Variants in CYP39A1 observed in about 807,000 individuals in gnomAD.
The protein encoded by CYP39A1 is 24-hydroxycholesterol 7-alpha-hydroxylase.
CYP39A1 carries 49 observed loss-of-function variants against 58.1 expected under a neutral mutation model. The ratio of observed to expected loss-of-function variants is 0.84; its 90% confidence interval spans 0.67 to 1.07. The LOEUF (loss-of-function observed/expected upper bound fraction) is 1.07, where lower values mean the gene tolerates loss of function less well. Ranked by LOEUF, CYP39A1 falls within the 50% of genes least tolerant of loss-of-function variation. The pLI, the probability that CYP39A1 is intolerant of heterozygous loss-of-function variation, is 0.00. For missense variants in CYP39A1, 531 were observed against 539.4 expected (o/e 0.98, Z 0.16); for synonymous variants, 209 against 187.6 (o/e 1.11, Z -0.93).
chr6:46,568,943 G>A (rs148946500), intron 10 of CYP39A1, among the ~76,000 whole-genome samples: 1 of 151,492 alleles, frequency 6.6e-6, no homozygotes, highest in South Asian at 2.1e-4. Flanking sequence ...ACATCATTGC[G>A]ATTACATTGA....
intron 10 of CYP39A1, among the ~76,000 whole-genome samples, chr6:46,576,266 C>T (rs1294034553): frequency 2.0e-5 from 3 of 152,116 alleles, no homozygotes. Flanking sequence ...GGACCCGCCT[C>T]CAAAACGAAG....
At chr6:46,611,764 A>G (rs1056658570) in intron 7 of CYP39A1, among the ~76,000 whole-genome samples, 1 of 152,222 alleles carries the variant, frequency 6.6e-6, no homozygotes, top group Non-Finnish European at 1.5e-5. Context: ...GTGGGTAGAT[A>G]ATAATATGTG....
chr6:46,556,498 G>A (rs368793829), intron 10 of CYP39A1, among the ~76,000 whole-genome samples: 12 of 152,134 alleles, frequency 7.9e-5, no homozygotes, highest in African/African-American at 2.9e-4. Context: ...CTACTGAGAC[G>A]GAAAAAGAAC....
rs9369627 is a variant in CYP39A1, at chr6:46,607,712, T to C, written c.932-11592A>G. Among the ~76,000 whole-genome samples, 11 of 152,072 alleles carry C rather than the reference T, an allele frequency of 7.2e-5. No individual in the cohort carries two copies. In the East Asian group the frequency reaches 1.7e-3, roughly 24 times the overall value. ...CAGAAGGTGGGGTTGCAAAGTGGAGTTGAATACTGAGGAAACCCCTGTGCT... is the reference window on the plus strand; with the variant it reads ...CAGAAGGTGGGGTTGCAAAGTGGAGCTGAATACTGAGGAAACCCCTGTGCT... On this transcript the variant is annotated intron_variant, in intron 7 of 11. Coordinates refer to ENST00000275016, the MANE Select transcript of CYP39A1 (RefSeq NM_016593.5).
At chr6:46,652,014 A>G (rs966568827) in intron 1 of CYP39A1, among the ~76,000 whole-genome samples, 4 of 152,232 alleles carry the variant, frequency 2.6e-5, no homozygotes, top group African/African-American at 9.6e-5. Flanking sequence ...AATTTGTACA[A>G]TACTTTGGTG....
intron 1 of CYP39A1, among the ~76,000 whole-genome samples, chr6:46,649,406 C>T (rs1049073755): frequency 6.6e-6 from 1 of 152,194 alleles, no homozygotes; most frequent in African/African-American, 2.4e-5. Flanking sequence ...TTTGTTGACA[C>T]TCAAAAGGAA....
In CYP39A1 at chr6:46,637,682, T is replaced by C. The variant is rs1266344767; in HGVS notation, c.638+147A>G. 14 of 756,712 alleles carry C rather than the reference T, an allele frequency of 1.9e-5. No homozygotes were observed. In the South Asian group the frequency reaches 2.0e-4, roughly 11 times the overall value. The allele number at this position is 756,712 out of a possible 1,614,324, so 46.9% of individuals were successfully genotyped here. ...TTCCTTGGTCCTCCTTCAATTCACA[T>C]ACAGACACCAAAAACAAACAGGTCA... On this transcript the variant is annotated intron_variant, in intron 4 of 11. Transcript: ENST00000275016.
At chr6:46,640,971 A>G (rs974126189) in intron 2 of CYP39A1, among the ~76,000 whole-genome samples, 11 of 152,094 alleles carry the variant, frequency 7.2e-5, no homozygotes, top group African/African-American at 2.2e-4. Context: ...TAGTATGTAT[A>G]CTATGCTACT....
intron 1 of CYP39A1, among the ~76,000 whole-genome samples, chr6:46,646,792 C>G (rs962227976): frequency 6.6e-6 from 1 of 151,888 alleles, no homozygotes; most frequent in Non-Finnish European, 1.5e-5. Flanking sequence ...TGTTAGAATA[C>G]GTTTTTCTAA....
At chr6:46,615,039 G>A (rs764683661) in intron 7 of CYP39A1, among the ~76,000 whole-genome samples, 5 of 151,978 alleles carry the variant, frequency 3.3e-5, no homozygotes, top group Admixed American at 6.6e-5. Context: ...GTCTTGGGTT[G>A]GTAGATCTGA....
intron 10 of CYP39A1, among the ~76,000 whole-genome samples, chr6:46,567,402 G>T (rs1258717686): frequency 6.6e-6 from 1 of 151,618 alleles, no homozygotes; most frequent in African/African-American, 2.4e-5. Context: ...TAATATTTTG[G>T]CTATTGTGAT....
At chr6:46,562,300 G>T (rs1771024673) in intron 10 of CYP39A1, among the ~76,000 whole-genome samples, 1 of 151,720 alleles carries the variant, frequency 6.6e-6, no homozygotes, top group Non-Finnish European at 1.5e-5. Flanking sequence ...TGGGATTATA[G>T]GCATGAGCCA....
At chr6:46,550,935 G>T (rs1770362381) in intron 11 of CYP39A1, among the ~76,000 whole-genome samples, 1 of 152,086 alleles carries the variant, frequency 6.6e-6, no homozygotes, top group Admixed American at 6.6e-5. Flanking sequence ...CCCCCATAAA[G>T]ATACTTTGTA....
chr6:46,603,002 T>G (rs1382399718), intron 7 of CYP39A1, among the ~76,000 whole-genome samples: 2 of 151,902 alleles, frequency 1.3e-5, no homozygotes, highest in African/African-American at 4.8e-5. Context: ...AATTTTTAAC[T>G]GGCCAGGATT....
chr6:46,633,750 G>A (rs533318555), intron 5 of CYP39A1, among the ~76,000 whole-genome samples: 6 of 151,958 alleles, frequency 3.9e-5, no homozygotes, highest in South Asian at 2.1e-4. Context: ...CCAGCTACTC[G>A]GGAGGCTGAA....
intron 1 of CYP39A1, among the ~76,000 whole-genome samples, chr6:46,648,595 C>T (rs1327796369): frequency 6.6e-6 from 1 of 151,560 alleles, no homozygotes; most frequent in Non-Finnish European, 1.5e-5. Flanking sequence ...GTTCAGCACA[C>T]CAACATGGCA....
At chr6:46,581,325 G>A (rs1392053566) in intron 10 of CYP39A1, among the ~76,000 whole-genome samples, 3 of 151,684 alleles carry the variant, frequency 2.0e-5, no homozygotes, top group African/African-American at 7.3e-5. Context: ...GCAGGAGGAT[G>A]CTTGAGCACA....
At chr6:46,615,963 C>T (rs920153198) in intron 7 of CYP39A1, among the ~76,000 whole-genome samples, 3 of 150,932 alleles carry the variant, frequency 2.0e-5, no homozygotes, top group Non-Finnish European at 3.0e-5. Flanking sequence ...ACCACCTTCC[C>T]CCATCCCTGA....
chr6:46,607,961 T>G, intron 7 of CYP39A1, among the ~76,000 whole-genome samples: 1 of 152,220 alleles, frequency 6.6e-6, no homozygotes, highest in Non-Finnish European at 1.5e-5. Flanking sequence ...TATATAAAGT[T>G]GAAGTGTGTG....
Sources: gnomAD v4.1 joint callset for allele counts (sites outside exome capture counted in the v4.1 genomes callset) on GRCh38, gnomAD v4.1.1 for gene constraint, MANE v1.5 for transcripts, NCBI Gene and HGNC (gene_info 2026-07-23, HGNC 2026-07-21) for gene names.